SCUBE1: variants seen among roughly 807,000 people sequenced by gnomAD.
The protein encoded by SCUBE1 is signal peptide, CUB domain and EGF like domain containing 1.
Under a neutral mutation model 124.4 loss-of-function variants are expected in SCUBE1, and 59 were observed. That is an observed-to-expected ratio of 0.47 (90% CI 0.38 to 0.59). The LOEUF (loss-of-function observed/expected upper bound fraction) is 0.59, where lower values mean the gene tolerates loss of function less well. Ranked by LOEUF, SCUBE1 falls within the 20% of genes least tolerant of loss-of-function variation. The pLI, the probability that SCUBE1 is intolerant of heterozygous loss-of-function variation, is 0.00. For missense variants in SCUBE1, 1,150 were observed against 1,371.2 expected (o/e 0.84, Z 2.55); for synonymous variants, 545 against 550.9 (o/e 0.99, Z 0.15).
intron 4 of SCUBE1, among the ~76,000 whole-genome samples, chr22:43,284,688 T>C (rs1469053484): frequency 1.3e-5 from 2 of 152,236 alleles, no homozygotes; most frequent in African/African-American, 2.4e-5. Flanking sequence ...TGGAAATGCA[T>C]GGAAAGTGCC....
rs1923618112 is a variant in SCUBE1 at position 43,255,398 on chromosome 22, T to G, written c.727+2821A>C. On this transcript the variant is annotated intron_variant, in intron 6 of 21. Transcript: ENST00000360835. The surrounding 1 kb of genome is among the most constrained non-coding windows in gnomAD (Gnocchi z 4.7). ...CCCACACACAGCACACACACGCCCA[T>G]GTCCACATGCCAGTGCGCACCCGAG... is the stretch of plus-strand genomic sequence containing the variant. 1 of 1,118,812 alleles carries G rather than the reference T, an allele frequency of 8.9e-7. No individual in the cohort carries two copies. The highest frequency in any genetic ancestry group is 1.5e-5 in the African/African-American group (1 of 64,876). The allele number at this position is 1,118,812 out of a possible 1,614,324, so 69.3% of individuals were successfully genotyped here.
At chr22:43,256,082 C>T (rs1288471133) in intron 6 of SCUBE1, among the ~76,000 whole-genome samples, 5 of 152,094 alleles carry the variant, frequency 3.3e-5, no homozygotes, top group Non-Finnish European at 7.4e-5. Context: ...GTCACAGGGA[C>T]GTGAAGGGGT....
rs1342749069 is a variant in SCUBE1 at position 43,198,933 on chromosome 22, T to C, written c.*5064A>G. 60 of 368,200 alleles carry C rather than the reference T, an allele frequency of 1.6e-4. No individual in the cohort carries two copies. Among genetic ancestry groups the C allele is most frequent in the Non-Finnish European group, 3.0e-4 (56 of 188,520 alleles). 22.8% of individuals were successfully genotyped at this position (368,200 alleles called of 1,614,324 possible). On this transcript the variant is annotated 3_prime_UTR_variant, in exon 22 of 22. Transcript: ENST00000360835. ...TGTCTGTCTGCTGTCTGGGGCAGTTTGTCTGTCTGTCTGCTGTCCGGGGCA... is the reference window on the plus strand; with the variant it reads ...TGTCTGTCTGCTGTCTGGGGCAGTTCGTCTGTCTGTCTGCTGTCCGGGGCA...
chr22:43,210,919 C>A lies in SCUBE1; in HGVS notation c.2383+3G>T. Reference sequence around the variant, plus strand: ...CTTCCCACGGCAGAGCAGCAGCACCCACTTTTGCAGTGTGTGACGTTGGTG... The same window carrying A: ...CTTCCCACGGCAGAGCAGCAGCACCAACTTTTGCAGTGTGTGACGTTGGTG... On this transcript the variant is annotated splice_donor_region_variant and intron_variant, in intron 18 of 21. Coordinates refer to ENST00000360835, the MANE Select transcript of SCUBE1 (RefSeq NM_173050.5). This position sits in a 1 kb window ranked among gnomAD's most constrained non-coding sequence, Gnocchi z 4.5. 6.2e-7 allele frequency: 1 copy of A among 1,614,004 alleles called. No homozygotes were observed. Among genetic ancestry groups the A allele is most frequent in the Non-Finnish European group, 8.5e-7 (1 of 1,179,960 alleles).
chr22:43,212,505 C>T lies in SCUBE1; in HGVS notation c.2141G>A (p.Arg714His), dbSNP rs535650437. The T allele has an allele frequency of 9.6e-6, 15 of 1,556,748 alleles. No individual in the cohort carries two copies. The highest frequency in any genetic ancestry group is 7.3e-5 in the East Asian group (3 of 41,290). The change falls in exon 17 of 22, where the codon CGC becomes CAC. Residue 714 changes from arginine (R) to histidine (H), a missense_variant. This residue lies in a region of SCUBE1 where 757 missense variants were observed against 840.9 expected (regional missense o/e 0.90). Transcript: ENST00000360835. ...CCCTCCACAGGGGAAGCAGCCGGTGCGCCCGGGCTCAGGCTGGTACGTGCC... is the reference window on the plus strand; with the variant it reads ...CCCTCCACAGGGGAAGCAGCCGGTGTGCCCGGGCTCAGGCTGGTACGTGCC... The part of the protein sequence containing the change: ...PVGTYQPEPG[R>H]TGCFPCGGGL...
rs1295095953 is a variant in SCUBE1, at chr22:43,339,822, AT to A, written c.89-588del. Among the ~76,000 whole-genome samples the A allele has an allele frequency of 7.8e-3, 221 of 28,254 alleles. 3 individuals carry two copies. Among genetic ancestry groups the A allele is most frequent in the Admixed American group, 9.6e-3 (18 of 1,870 alleles). The allele number at this position is 28,254 out of a possible 152,430, so 18.5% of individuals were successfully genotyped here. A position where few individuals can be genotyped will look rare whatever the true frequency, so the allele number is the denominator to read the frequency against. On this transcript the variant is annotated intron_variant, in intron 1 of 21. Transcript: ENST00000360835. ...AACCCTCCCCCACTCTCCTCATTCT[AT>A]CCCCCCACAAGCATCACTCCAGCCC...
At chr22:43,207,498 G>A (rs771917906) in intron 21 of SCUBE1, 36 bp downstream of exon 21, 1 of 1,534,234 alleles carries the variant, frequency 6.5e-7, no homozygotes, top group Non-Finnish European at 9.0e-7. Flanking sequence ...CCCCATCCCA[G>A]GGTTACGTGG....
rs1381079498 is a variant in SCUBE1 at position 43,255,609 on chromosome 22, C to CAGTGGT, written c.727+2604_727+2609dup. 2.0e-6 allele frequency: 3 copies of CAGTGGT among 1,535,374 alleles called. No homozygotes were observed. Among genetic ancestry groups the CAGTGGT allele is most frequent in the Non-Finnish European group, 2.6e-6 (3 of 1,133,776 alleles). On this transcript the variant is annotated intron_variant, in intron 6 of 21. Coordinates refer to ENST00000360835, the MANE Select transcript of SCUBE1 (RefSeq NM_173050.5). The surrounding 1 kb of genome is among the most constrained non-coding windows in gnomAD (Gnocchi z 4.7). ...CACAAGTAAGGGACAAACACGGAGC[C>CAGTGGT]AGTGGTTAATGACAGCCCACTTCCC...
At chr22:43,232,031 G>T in intron 7 of SCUBE1, 156 bp from the exon 8 acceptor site, 1 of 780,846 alleles carries the variant, frequency 1.3e-6, no homozygotes, top group Non-Finnish European at 2.1e-6. Flanking sequence ...CTGTGCAGAG[G>T]GGTGGGGGCC....
At chr22:43,300,161 A>T (rs545858811) in intron 3 of SCUBE1, among the ~76,000 whole-genome samples, 1 of 152,162 alleles carries the variant, frequency 6.6e-6, no homozygotes, top group Non-Finnish European at 1.5e-5. Context: ...CTGTCACATC[A>T]TCTGGTAACT....
At chr22:43,338,827 C>T (rs993534866) in intron 2 of SCUBE1, among the ~76,000 whole-genome samples, 4 of 152,134 alleles carry the variant, frequency 2.6e-5, no homozygotes, top group African/African-American at 4.8e-5. Flanking sequence ...CGTGAGCCAC[C>T]GCACCCAGCC....
chr22:43,329,712 T>G (rs989261508), intron 2 of SCUBE1, among the ~76,000 whole-genome samples: 1 of 152,182 alleles, frequency 6.6e-6, no homozygotes, highest in Non-Finnish European at 1.5e-5. Context: ...CCCTGGCCCA[T>G]CTGGAAGCCT....
intron 19 of SCUBE1, among the ~76,000 whole-genome samples, chr22:43,208,495 C>G (rs1278669672): frequency 2.0e-5 from 3 of 152,334 alleles, no homozygotes; most frequent in African/African-American, 7.2e-5. Context: ...CAAGATCTTG[C>G]TCTGCTCTGG....
At chr22:43,306,045 G>A (rs1328579891) in intron 3 of SCUBE1, among the ~76,000 whole-genome samples, 1 of 152,192 alleles carries the variant, frequency 6.6e-6, no homozygotes, top group African/African-American at 2.4e-5. Flanking sequence ...CCCGGTGCTG[G>A]GGGAGGAGGG....
chr22:43,309,777 C>T (rs1404251135), intron 3 of SCUBE1, among the ~76,000 whole-genome samples: 3 of 152,106 alleles, frequency 2.0e-5, no homozygotes, highest in Non-Finnish European at 4.4e-5. Context: ...CTAGAAACTC[C>T]GGGGAAACCC....
intron 3 of SCUBE1, among the ~76,000 whole-genome samples, chr22:43,306,389 G>A (rs1003348215): frequency 6.6e-6 from 1 of 152,170 alleles, no homozygotes; most frequent in Non-Finnish European, 1.5e-5. Flanking sequence ...TGTCTGCAGC[G>A]AGTGTTTTCT....
At chr22:43,325,378 G>A in intron 2 of SCUBE1, among the ~76,000 whole-genome samples, 1 of 149,976 alleles carries the variant, frequency 6.7e-6, no homozygotes, top group East Asian at 2.0e-4. Context: ...CGGAGGCGGA[G>A]GTTGCGATGA....
intron 2 of SCUBE1, among the ~76,000 whole-genome samples, chr22:43,337,307 G>C (rs748208492): frequency 2.0e-5 from 3 of 152,086 alleles, no homozygotes; most frequent in African/African-American, 4.8e-5. Flanking sequence ...CCCGGGCAGG[G>C]GACAGCAGGA....
intron 19 of SCUBE1, among the ~76,000 whole-genome samples, chr22:43,209,693 G>A (rs922196679): frequency 6.6e-6 from 1 of 152,240 alleles, no homozygotes; most frequent in Non-Finnish European, 1.5e-5. Flanking sequence ...GTCTCGCCCT[G>A]AGCGGTGCGG....
Sources: gnomAD v4.1 joint callset for allele counts (sites outside exome capture counted in the v4.1 genomes callset) on GRCh38, gnomAD v4.1.1 for gene constraint, gnomAD v4.1.1 regional missense constraint, Gnocchi (gnomAD v3.1) non-coding constraint, MANE v1.5 for transcripts, NCBI Gene and HGNC (gene_info 2026-07-23, HGNC 2026-07-21) for gene names.